Variants in EP300 observed in about 807,000 individuals in gnomAD.
EP300 encodes the protein histone acetyltransferase p300.
A neutral mutation model predicts 264.0 loss-of-function variants in EP300; 31 were observed. That is an observed-to-expected ratio of 0.12 (90% CI 0.09 to 0.16). EP300 has a LOEUF of 0.16. EP300 is among the 10% of genes least tolerant of loss of function. EP300 has a pLI of 1.00. For missense variants in EP300, 2,766 were observed against 3,052.9 expected (o/e 0.91, Z 2.21); for synonymous variants, 1,340 against 1,045.4 (o/e 1.28, Z -5.44).
intron 1 of EP300, among the ~76,000 whole-genome samples, chr22:41,097,188 T>C (rs1182930439): frequency 6.6e-6 from 1 of 152,242 alleles, no homozygotes; most frequent in African/African-American, 2.4e-5. Flanking sequence ...CTCAAGGCCT[T>C]GTAAGTTCAT....
intron 19 of EP300, 111 bp downstream of exon 19, chr22:41,158,611 C>T: frequency 1.2e-6 from 1 of 858,534 alleles, no homozygotes; most frequent in Non-Finnish European, 1.9e-6. Flanking sequence ...TGCTTGAAGA[C>T]AGCTGTATAG....
At chr22:41,152,722 A>G (rs188031741) in intron 16 of EP300, among the ~76,000 whole-genome samples, 43 of 151,556 alleles carry the variant, frequency 2.8e-4, no homozygotes, top group Non-Finnish European at 2.6e-4. Context: ...CTAAGTATCC[A>G]CATTGTCTCA....
Position 41,164,113 on chromosome 22 carries a change from G to A in EP300, c.3789G>A (p.Glu1263=). ...ATCAGATCTGTGTCCTTCACCATGA[G>A]ATCATCTGGCCTGCTGGGTAAGTCT... ...KMHQICVLHH[E]IIWPAGFVCD... Residue 1263 remains glutamate, a synonymous_variant, in exon 22 of 31, where the codon GAG becomes GAA. Transcript: ENST00000263253. 1 of 1,614,102 alleles carries A rather than the reference G, an allele frequency of 6.2e-7. No homozygotes were observed. The highest frequency in any genetic ancestry group is 1.1e-5 in the South Asian group (1 of 91,082).
rs777496736 is a variant in EP300, at chr22:41,117,841, G to T, written c.729+20G>T. On this transcript the variant is annotated intron_variant, in intron 2 of 30. Coordinates refer to ENST00000263253, the MANE Select transcript of EP300 (RefSeq NM_001429.4). ...CTTAAGGTAAGTACAGTTTTGGTTTGTGTGCACAATCGGCATGCATGTGAG... is the reference window on the plus strand; with the variant it reads ...CTTAAGGTAAGTACAGTTTTGGTTTTTGTGCACAATCGGCATGCATGTGAG... 87 of 1,613,244 alleles carry T rather than the reference G, an allele frequency of 5.4e-5. No individual in the cohort carries two copies. Among genetic ancestry groups the T allele is most frequent in the Non-Finnish European group, 6.8e-5 (80 of 1,180,030 alleles).
rs869304891 is a variant in EP300, at chr22:41,154,376, CTTTTTTTT to C, written c.3143-603_3143-596del. ...TCTTAACACGAGTATCTTGTGCACT[CTTTTTTTT>C]TTTTTTTTTTTTTTTGAGATGGGGC... On this transcript the variant is annotated intron_variant, in intron 16 of 30. Coordinates refer to ENST00000263253, the MANE Select transcript of EP300 (RefSeq NM_001429.4). Among the ~76,000 whole-genome samples the C allele has an allele frequency of 1.3e-3, 81 of 61,798 alleles. 1 individual carries two copies. The highest frequency in any genetic ancestry group is 4.9e-3 in the African/African-American group (80 of 16,172). The allele number at this position is 61,798 out of a possible 152,430, so 40.5% of individuals were successfully genotyped here.
chr22:41,092,876 C>G lies in EP300; in HGVS notation c.-129C>G, dbSNP rs1451748081. ...ACCCGGCGAAGAGAAAAAGGAACTT[C>G]CCCCACCCCCTCGGGTGCCGTCGGA... On this transcript the variant is annotated 5_prime_UTR_variant, in exon 1 of 31. Transcript: ENST00000263253. 1 of 975,502 alleles carries G rather than the reference C, an allele frequency of 1.0e-6. No individual in the cohort carries two copies. Among genetic ancestry groups the G allele is most frequent in the East Asian group, 2.4e-5 (1 of 41,968 alleles). 60.4% of individuals were successfully genotyped at this position (975,502 alleles called of 1,614,324 possible).
At chr22:41,101,912 A>C (rs531678940) in intron 1 of EP300, among the ~76,000 whole-genome samples, 1 of 152,320 alleles carries the variant, frequency 6.6e-6, no homozygotes, top group South Asian at 2.1e-4. Flanking sequence ...ACAACACTTA[A>C]GGAAGAACTA....
At chr22:41,135,974 G>A in intron 7 of EP300, 68 bp downstream of exon 7, 1 of 1,226,282 alleles carries the variant, frequency 8.2e-7, no homozygotes, top group Non-Finnish European at 1.2e-6. Context: ...TTCATTGTTT[G>A]ACTTTTGAAC....
rs771512182 is a variant in EP300, at chr22:41,177,718, C to T, written c.6007C>T (p.Pro2003Ser). The change falls in exon 31 of 31, where the codon CCC (proline) becomes TCC (serine). Residue 2003 changes from proline to serine, a missense_variant. Coordinates refer to ENST00000263253, the MANE Select transcript of EP300 (RefSeq NM_001429.4). Reference protein sequence around the residue: ...PPWSQGGLPQPQQLQSGMPRP... With the variant: ...PPWSQGGLPQSQQLQSGMPRP... Reference sequence around the variant, plus strand: ...CTGGAGCCAAGGAGGATTGCCTCAGCCCCAGCAACTACAGTCTGGGATGCC... The same window carrying T: ...CTGGAGCCAAGGAGGATTGCCTCAGTCCCAGCAACTACAGTCTGGGATGCC... The T allele has an allele frequency of 1.2e-6, 2 of 1,613,680 alleles. No homozygotes were observed. Among genetic ancestry groups the T allele is most frequent in the African/African-American group, 2.7e-5 (2 of 74,908 alleles).
intron 21 of EP300, among the ~76,000 whole-genome samples, chr22:41,163,473 G>A (rs1405782543): frequency 1.3e-5 from 2 of 150,500 alleles, no homozygotes; most frequent in African/African-American, 2.4e-5. Flanking sequence ...GGTTTGGCCG[G>A]GCACAGTGGC....
chr22:41,107,607 C>T (rs1223313387), intron 1 of EP300, among the ~76,000 whole-genome samples: 1 of 152,064 alleles, frequency 6.6e-6, no homozygotes, highest in Non-Finnish European at 1.5e-5. Context: ...GAAGGTTATG[C>T]TTCATTTATA....
Position 41,159,214 on chromosome 22 carries a change from T to A in EP300, c.3590+714T>A, listed in dbSNP as rs2059094633. 2.0e-5 allele frequency: 3 copies of A among 152,404 alleles called. 1 individual carries two copies. Among genetic ancestry groups the A allele is most frequent in the Non-Finnish European group, 4.4e-5 (3 of 68,152 alleles). 9.4% of individuals were successfully genotyped at this position (152,404 alleles called of 1,614,324 possible). A position where few individuals can be genotyped will look rare whatever the true frequency, so the allele number is the denominator to read the frequency against. On this transcript the variant is annotated intron_variant, in intron 19 of 30. Transcript: ENST00000263253. ...TGCATTGGGTGTTTATTTGGGGCTC[T>A]GATACAATAATAACAAGGCTGGATG... is the stretch of plus-strand genomic sequence containing the variant.
At chr22:41,145,328 T>C (rs558025759) in intron 10 of EP300, among the ~76,000 whole-genome samples, 1 of 152,238 alleles carries the variant, frequency 6.6e-6, no homozygotes, top group Non-Finnish European at 1.5e-5. Flanking sequence ...GATAAAAGTT[T>C]ATATGAATAA....
At chr22:41,150,293 T>C in intron 14 of EP300, 95 bp downstream of exon 14, 1 of 1,365,108 alleles carries the variant, frequency 7.3e-7, no homozygotes, top group Non-Finnish European at 1.0e-6. Flanking sequence ...GCTTTATCTC[T>C]TACTGTTTTC....
intron 22 of EP300, among the ~76,000 whole-genome samples, chr22:41,164,601 C>T (rs906557888): frequency 3.0e-4 from 46 of 152,128 alleles, no homozygotes; most frequent in African/African-American, 1.1e-3. Flanking sequence ...AATCCAGCTA[C>T]TCAGGAGGGA....
intron 14 of EP300, among the ~76,000 whole-genome samples, chr22:41,150,889 T>TAA (rs66701772): frequency 1.1e-3 from 139 of 127,940 alleles, no homozygotes; most frequent in African/African-American, 2.5e-3. Context: ...AAACTCCGTC[T>TAA]AAAAAAAAAA....
In EP300 at chr22:41,168,745, A is replaced by G. The variant is rs2059154104; in HGVS notation, c.4050A>G (p.Ala1350=). 6.2e-7 allele frequency: 1 copy of G among 1,614,228 alleles called. No individual in the cohort carries two copies. Among genetic ancestry groups the G allele is most frequent in the Non-Finnish European group, 8.5e-7 (1 of 1,180,044 alleles). The change falls in exon 25 of 31, where the codon GCA becomes GCG. Residue 1350 remains alanine, a synonymous_variant. Coordinates refer to ENST00000263253, the MANE Select transcript of EP300 (RefSeq NM_001429.4). The part of the protein sequence containing the change: ...KARFVDSGEM[A]ESFPYRTKAL... ...GGTTTGTGGACAGTGGAGAGATGGC[A>G]GAATCCTTTCCATACCGAACCAAAG...
At chr22:41,109,847 T>C (rs2058778997) in intron 1 of EP300, among the ~76,000 whole-genome samples, 1 of 149,284 alleles carries the variant, frequency 6.7e-6, no homozygotes. Flanking sequence ...GTAGTCTTGC[T>C]CTGTTTCCCA....
At chr22:41,125,828 T>C (rs1261757665) in intron 2 of EP300, 36 bp from the exon 3 acceptor site, 4 of 1,595,872 alleles carry the variant, frequency 2.5e-6, no homozygotes, top group Middle Eastern at 1.7e-4. Flanking sequence ...TTAAATTTTA[T>C]TGCTTATTTT....
Sources: allele counts gnomAD v4.1 joint callset (sites outside exome capture counted in the v4.1 genomes callset), GRCh38; gene constraint gnomAD v4.1.1; transcripts MANE v1.5; gene names NCBI Gene and HGNC (gene_info 2026-07-23, HGNC 2026-07-21).